The following LAMC1 variants were observed in gnomAD, a reference collection of about 807,000 sequenced individuals.
LAMC1 encodes the protein laminin subunit gamma 1.
A neutral mutation model predicts 173.6 loss-of-function variants in LAMC1; 38 were observed. That is an observed-to-expected ratio of 0.22 (90% CI 0.17 to 0.29). The LOEUF is 0.29. Among genes scored for constraint, LAMC1 ranks in the 10% least tolerant of loss-of-function variants. The pLI is 1.00. For synonymous variants in LAMC1, 746 were observed against 749.1 expected (o/e 1.00, Z 0.07); for missense variants, 1,824 against 2,051.8 (o/e 0.89, Z 2.14).
chr1:183,103,172 A>G (rs561262913), intron 1 of LAMC1, among the ~76,000 whole-genome samples, 156 bp from the exon 2 acceptor site: 2 of 152,272 alleles, frequency 1.3e-5, no homozygotes, highest in Non-Finnish European at 2.9e-5. Context: ...TTGGGGGAAA[A>G]TACGTAGTTT....
chr1:183,099,606 C>A (rs996744432), intron 1 of LAMC1, among the ~76,000 whole-genome samples: 1 of 152,082 alleles, frequency 6.6e-6, no homozygotes, highest in African/African-American at 2.4e-5. Flanking sequence ...CTCTGGCTGC[C>A]CCCTCATAGC....
intron 1 of LAMC1, among the ~76,000 whole-genome samples, chr1:183,069,119 A>G (rs533145162): frequency 1.7e-4 from 26 of 152,184 alleles, no homozygotes; most frequent in Non-Finnish European, 2.9e-5. Flanking sequence ...TGTACCTGCT[A>G]TATTGTGTAT....
chr1:183,129,259 T>C, intron 18 of LAMC1, among the ~76,000 whole-genome samples: 1 of 152,000 alleles, frequency 6.6e-6, no homozygotes, highest in Admixed American at 6.5e-5. Context: ...GGGTAATTTT[T>C]TTGTATTTTG....
Position 183,131,386 on chromosome 1 carries a change from C to A in LAMC1, c.3566+8C>A. 1 of 1,601,560 alleles carries A rather than the reference C, an allele frequency of 6.2e-7. No individual in the cohort carries two copies. Among genetic ancestry groups the A allele is most frequent in the East Asian group, 2.2e-5 (1 of 44,564 alleles). ...TCGAAAGCTTGCTGAACGGTAACTTCTAGATCCCTGTTTAATGGTTAAGTT... is the reference window on the plus strand; with the variant it reads ...TCGAAAGCTTGCTGAACGGTAACTTATAGATCCCTGTTTAATGGTTAAGTT... On this transcript the variant is annotated splice_region_variant and intron_variant, in intron 20 of 27. Coordinates refer to ENST00000258341, the MANE Select transcript of LAMC1 (RefSeq NM_002293.4).
chr1:183,051,123 G>T (rs1483029197), intron 1 of LAMC1, among the ~76,000 whole-genome samples: 1 of 152,110 alleles, frequency 6.6e-6, no homozygotes, highest in Non-Finnish European at 1.5e-5. Context: ...GATTTTGATT[G>T]TTATGATGGA....
intron 1 of LAMC1, among the ~76,000 whole-genome samples, chr1:183,065,066 T>A (rs763914671): frequency 1.3e-5 from 2 of 151,952 alleles, no homozygotes; most frequent in South Asian, 2.1e-4. Flanking sequence ...TTTTTTCTTA[T>A]CAGCATTATA....
In LAMC1 at chr1:183,144,194, A is replaced by C. The variant is rs1044588825; in HGVS notation, c.*1404A>C. ...CATATATAGCCTTTAACACTATGCA[A>C]CTTTGTACTTTGCGTAGCAGGGGCG... is the stretch of plus-strand genomic sequence containing the variant. On this transcript the variant is annotated 3_prime_UTR_variant, in exon 28 of 28. Transcript: ENST00000258341. 1 of 152,546 alleles carries C rather than the reference A, an allele frequency of 6.6e-6. No homozygotes were observed. Among genetic ancestry groups the C allele is most frequent in the African/African-American group, 2.4e-5 (1 of 41,416 alleles). The allele number at this position is 152,546 out of a possible 1,614,324, so 9.4% of individuals were successfully genotyped here.
At chr1:183,103,235 A>G in intron 1 of LAMC1, 93 bp from the exon 2 acceptor site, 1 of 1,173,136 alleles carries the variant, frequency 8.5e-7, no homozygotes, top group Non-Finnish European at 1.2e-6. Context: ...GGAGATTTAT[A>G]TCCTTTGTCA....
chr1:183,124,605 A>G (rs1373728013), intron 13 of LAMC1, 26 bp from the exon 14 acceptor site: 3 of 1,613,538 alleles, frequency 1.9e-6, no homozygotes, highest in South Asian at 1.1e-5. Context: ...CCTTTCTTTC[A>G]TAACATCAGA....
intron 3 of LAMC1, among the ~76,000 whole-genome samples, chr1:183,109,915 G>A (rs1656095888): frequency 6.6e-6 from 1 of 152,130 alleles, no homozygotes; most frequent in Admixed American, 6.5e-5. Flanking sequence ...TGGGGGTGAG[G>A]TATCTAATGT....
rs796732672 is a variant in LAMC1, at chr1:183,079,232, G to GTTTTTT, written c.419-24061_419-24056dup. On this transcript the variant is annotated intron_variant, in intron 1 of 27. Transcript: ENST00000258341. ...AAGCAACTTTCTGATCTCTAATCTG[G>GTTTTTT]TTTTTTTTTTTTTTTTTTTTTTTTT... 1.4e-4 allele frequency among the ~76,000 whole-genome samples: 9 copies of GTTTTTT among 62,840 alleles called. 1 individual carries two copies. Among genetic ancestry groups the GTTTTTT allele is most frequent in the Non-Finnish European group, 2.7e-4 (9 of 32,824 alleles). 41.2% of individuals were successfully genotyped at this position (62,840 alleles called of 152,430 possible).
At chr1:183,110,688 CT>C in intron 4 of LAMC1, 34 bp downstream of exon 4, 1 of 1,602,618 alleles carries the variant, frequency 6.2e-7, no homozygotes, top group South Asian at 1.1e-5. Context: ...TGTCAGTTGT[CT>C]TAAGGACTTC....
intron 1 of LAMC1, among the ~76,000 whole-genome samples, chr1:183,070,883 G>C (rs976467338): frequency 4.6e-5 from 7 of 152,210 alleles, no homozygotes; most frequent in African/African-American, 1.7e-4. Context: ...TACAGACGAT[G>C]GTTGGTTGGA....
chr1:183,091,736 T>G (rs757835029), intron 1 of LAMC1, among the ~76,000 whole-genome samples: 6 of 152,210 alleles, frequency 3.9e-5, no homozygotes, highest in Non-Finnish European at 7.3e-5. Context: ...CAGTGTTTTC[T>G]TATCTTTTTG....
chr1:183,062,244 T>C (rs1654761183), intron 1 of LAMC1, among the ~76,000 whole-genome samples: 1 of 152,262 alleles, frequency 6.6e-6, no homozygotes, highest in African/African-American at 2.4e-5. Flanking sequence ...AAGATTCTAA[T>C]AGCTTTTTTG....
chr1:183,041,062 A>G (rs1487439849), intron 1 of LAMC1, among the ~76,000 whole-genome samples: 2 of 152,232 alleles, frequency 1.3e-5, no homozygotes, highest in African/African-American at 4.8e-5. Flanking sequence ...GAAATAGTCA[A>G]ATAAATCCTG....
intron 1 of LAMC1, among the ~76,000 whole-genome samples, chr1:183,072,354 T>C (rs2102041768): frequency 6.6e-6 from 1 of 152,262 alleles, no homozygotes; most frequent in Non-Finnish European, 1.5e-5. Context: ...ACTCCAAGGG[T>C]CCTGTCTGAC....
Position 183,024,076 on chromosome 1 carries a change from C to T in LAMC1, c.360C>T (p.Ser120=). ...AGGCCGACACCACCTGGTGGCAAAG[C>T]CAGACCATGCTGGCCGGGGTGCAGT... ...NNQADTTWWQ[S]QTMLAGVQYP... is the part of the protein sequence containing the mutation. Residue 120 remains serine, a synonymous_variant, in exon 1 of 28, where the codon AGC becomes AGT. Transcript: ENST00000258341. The T allele has an allele frequency of 6.2e-7, 1 of 1,611,016 alleles. No homozygotes were observed. The highest frequency in any genetic ancestry group is 1.7e-5 in the Admixed American group (1 of 59,722).
intron 1 of LAMC1, among the ~76,000 whole-genome samples, chr1:183,026,520 A>G (rs1457903023): frequency 6.6e-6 from 1 of 151,714 alleles, no homozygotes; most frequent in Admixed American, 6.6e-5. Flanking sequence ...TAGCATATTC[A>G]CTCCCCAACT....
Sources: allele counts gnomAD v4.1 joint callset (sites outside exome capture counted in the v4.1 genomes callset), GRCh38; gene constraint gnomAD v4.1.1; transcripts MANE v1.5; gene names NCBI Gene and HGNC (gene_info 2026-07-23, HGNC 2026-07-21).